The following TBX10 variants were observed in gnomAD, a reference collection of about 807,000 sequenced individuals.
TBX10 encodes T-box transcription factor TBX10.
TBX10 carries 26 observed loss-of-function variants against 32.4 expected under a neutral mutation model. That is an observed-to-expected ratio of 0.80 (90% CI 0.59 to 1.11). The LOEUF (loss-of-function observed/expected upper bound fraction) is 1.11, where lower values mean the gene tolerates loss of function less well. Among genes scored for constraint, TBX10 ranks in the 50% most tolerant of loss-of-function variants. The pLI, the probability that TBX10 is intolerant of heterozygous loss-of-function variation, is 0.00. For missense variants in TBX10, 490 were observed against 494.5 expected (o/e 0.99, Z 0.09); for synonymous variants, 195 against 203.1 (o/e 0.96, Z 0.34).
At chr11:67,639,393 T>TTCCCCCCCCCCCCCCCCCCCCC in intron 1 of TBX10, 73 bp downstream of exon 1, 6 of 726,906 alleles carry the variant, frequency 8.3e-6, no homozygotes, top group Non-Finnish European at 1.2e-5. Context: ...CTGTCTTGGT[T>TTCCCCCCCCCCCCCCCCCCCCC]CCCACCCTGC....
chr11:67,639,552 ACCACTCGT>A lies in TBX10; in HGVS notation c.-88_-81del, dbSNP rs1222651168. On this transcript the variant is annotated 5_prime_UTR_variant, in exon 1 of 8. Transcript: ENST00000335385. ...AACCTGCCTGCTGGAAGGGGTGGTCACCACTCGTCCACTCGGCACCTCAGCTCAGCCCT... is the reference window on the plus strand; with the variant it reads ...AACCTGCCTGCTGGAAGGGGTGGTCACCACTCGGCACCTCAGCTCAGCCCT... 2.5e-6 allele frequency: 4 copies of A among 1,594,146 alleles called. No homozygotes were observed. In the African/African-American group the frequency reaches 5.4e-5, roughly 21 times the overall value.
chr11:67,632,184 C>G, intron 7 of TBX10, 134 bp downstream of exon 7: 2 of 1,090,668 alleles, frequency 1.8e-6, no homozygotes, highest in Non-Finnish European at 2.8e-6. Flanking sequence ...GTCTGCTTCC[C>G]CCTCCGTGTG....
chr11:67,632,432 TG>T lies in TBX10; in HGVS notation c.774-21del, dbSNP rs150090306. The T allele has an allele frequency of 2.5e-6, 4 of 1,607,066 alleles. No homozygotes were observed. The highest frequency in any genetic ancestry group is 1.7e-5 in the Admixed American group (1 of 59,926). ...ACAGGCCTGAAAGAGCAAGCGAGAA[TG>T]GGGGGAGGGGATCAAGGGGAAGAAC... is the stretch of plus-strand genomic sequence containing the variant. On this transcript the variant is annotated intron_variant, in intron 6 of 7. Transcript: ENST00000335385.
chr11:67,640,289 G>T (rs1019455358), upstream of TBX10, among the ~76,000 whole-genome samples: 2 of 152,256 alleles, frequency 1.3e-5, no homozygotes, highest in Non-Finnish European at 2.9e-5. Flanking sequence ...AGGTCCCACA[G>T]TCTCCGTGCC....
chr11:67,638,541 G>A (rs535525235), intron 1 of TBX10, among the ~76,000 whole-genome samples: 2 of 152,326 alleles, frequency 1.3e-5, no homozygotes, highest in Admixed American at 6.5e-5. Flanking sequence ...CAGACAGGCG[G>A]GTGACGGAGG....
In TBX10 at chr11:67,635,111, C is replaced by T; in HGVS notation, c.160G>A (p.Gly54Arg). ...TGAQAVAEPTGQGPKNPRVSR... is the reference protein window; with the variant it reads ...TGAQAVAEPTRQGPKNPRVSR... ...ACACGTGGGTTCTTGGGGCCCTGCC[C>T]AGTGGGCTCGGCCACAGCTTGGGCC... The change falls in exon 2 of 8, where the codon GGG becomes AGG. Residue 54 changes from glycine to arginine, a missense_variant. Gly to Arg is a moderately radical substitution (Grantham distance 125, BLOSUM62 -2). This residue lies in a region of TBX10 where 307 missense variants were observed against 294.9 expected (regional missense o/e 1.04). Transcript: ENST00000335385. The T allele has an allele frequency of 6.2e-7, 1 of 1,613,820 alleles. No homozygotes were observed. The highest frequency in any genetic ancestry group is 2.2e-5 in the East Asian group (1 of 44,884).
intron 1 of TBX10, among the ~76,000 whole-genome samples, chr11:67,636,522 T>TTTATTTA (rs200152296): frequency 1.0e-4 from 7 of 67,436 alleles, no homozygotes; most frequent in Admixed American, 5.6e-4. Flanking sequence ...TATTTATTTA[T>TTTATTTA]TTTTTTCCAG....
intron 4 of TBX10, 151 bp from the exon 5 acceptor site, chr11:67,633,254 C>T: frequency 1.0e-6 from 1 of 998,162 alleles, no homozygotes; most frequent in Non-Finnish European, 1.5e-6. Context: ...GGAGAGGCTG[C>T]AGTTCCGTGT....
rs781077286 is a variant in TBX10 at position 67,632,636 on chromosome 11, G to A, written c.740C>T (p.Ala247Val). 13 of 1,613,962 alleles carry A rather than the reference G, an allele frequency of 8.1e-6. No individual in the cohort carries two copies. Among genetic ancestry groups the A allele is most frequent in the Non-Finnish European group, 1.1e-5 (13 of 1,180,024 alleles). Residue 247 changes from alanine (A) to valine (V), a missense_variant, in exon 6 of 8, where the codon GCC becomes GTC. This residue lies in a region of TBX10 where 177 missense variants were observed against 176.6 expected (regional missense o/e 1.00). Coordinates refer to ENST00000335385, the MANE Select transcript of TBX10 (RefSeq NM_005995.5). ...TQLKIASNPF[A>V]KGFRESDLDS... ...CAGGTCACTCTCTCTAAAGCCTTTG[G>A]CAAAAGGGTTGCTGGCGATTTTCAG...
Position 67,633,081 on chromosome 11 carries a change from C to T in TBX10, c.572G>A (p.Arg191His), listed in dbSNP as rs143869780. The T allele has an allele frequency of 2.6e-5, 42 of 1,613,890 alleles. No homozygotes were observed. Among genetic ancestry groups the T allele is most frequent in the South Asian group, 6.6e-5 (6 of 91,084 alleles). ...GACCACGTGGAAACGGGGCTGGTAG[C>T]GGTGCATAGAGTTGAGAATGATCTG... ...NGHIILNSMH[R>H]YQPRFHVVFV... Residue 191 changes from arginine to histidine, a missense_variant, in exon 5 of 8, where the codon CGC (arginine) becomes CAC (histidine). Arg to His is a conservative substitution (Grantham distance 29, BLOSUM62 0). Around this residue, in one of 3 missense-constraint regions of TBX10, gnomAD observed 307 missense variants for 294.9 expected, o/e 1.04. Transcript: ENST00000335385.
rs781185047 is a variant in TBX10 at position 67,635,080 on chromosome 11, C to G, written c.191G>C (p.Arg64Thr). 1 of 1,613,918 alleles carries G rather than the reference C, an allele frequency of 6.2e-7. No homozygotes were observed. Among genetic ancestry groups the G allele is most frequent in the South Asian group, 1.1e-5 (1 of 91,090 alleles). The stretch of plus-strand genomic sequence containing the variant: ...CTTCATCTCCAGCTGAACTGTCACT[C>G]TGGACACACGTGGGTTCTTGGGGCC... ...GQGPKNPRVSRVTVQLEMKPL... is the reference protein window; with the variant it reads ...GQGPKNPRVSTVTVQLEMKPL... Residue 64 changes from arginine to threonine, a missense_variant, in exon 2 of 8, where the codon AGA (arginine) becomes ACA (threonine). Physicochemically the swap from Arg to Thr is moderately conservative, Grantham distance 71. This residue lies in a region of TBX10 where 307 missense variants were observed against 294.9 expected (regional missense o/e 1.04). Coordinates refer to ENST00000335385, the MANE Select transcript of TBX10 (RefSeq NM_005995.5).
chr11:67,634,767 G>A, intron 3 of TBX10, 49 bp downstream of exon 3: 1 of 1,581,240 alleles, frequency 6.3e-7, no homozygotes, highest in Non-Finnish European at 8.7e-7. Flanking sequence ...TCTAATTCCT[G>A]GTCTCAGCAC....
At chr11:67,635,313 C>G in intron 1 of TBX10, 50 bp from the exon 2 acceptor site, 5 of 1,610,710 alleles carry the variant, frequency 3.1e-6, no homozygotes, top group Non-Finnish European at 4.2e-6. Flanking sequence ...CCAGCCAGCT[C>G]TTATCCTTCA....
At chr11:67,641,224 C>T (rs903258780), upstream of TBX10, among the ~76,000 whole-genome samples, 40 of 151,962 alleles carry the variant, frequency 2.6e-4, no homozygotes, top group African/African-American at 8.9e-4. Context: ...ATTGTAGTGG[C>T]CCCTGATACG....
upstream of TBX10, among the ~76,000 whole-genome samples, chr11:67,640,016 A>G (rs1470296519): frequency 6.6e-6 from 1 of 152,174 alleles, no homozygotes; most frequent in African/African-American, 2.4e-5. Flanking sequence ...TGGGAGGCAC[A>G]GTGGGAGCAG....
intron 7 of TBX10, 56 bp downstream of exon 7, chr11:67,632,262 C>T: frequency 1.2e-6 from 2 of 1,601,010 alleles, no homozygotes; most frequent in Admixed American, 3.3e-5. Context: ...GTCCCTTTGC[C>T]TTCCGCCCAC....
intron 1 of TBX10, among the ~76,000 whole-genome samples, chr11:67,636,838 A>G (rs966739147): frequency 6.6e-6 from 1 of 152,200 alleles, no homozygotes; most frequent in Admixed American, 6.5e-5. Flanking sequence ...TTCTGGGTCT[A>G]TACCAGAAAG....
chr11:67,641,502 C>T (rs1220737286), upstream of TBX10, among the ~76,000 whole-genome samples: 3 of 152,226 alleles, frequency 2.0e-5, no homozygotes, highest in Non-Finnish European at 4.4e-5. Flanking sequence ...TGGCCCCCTG[C>T]CCCCTCATCC....
intron 7 of TBX10, 122 bp from the exon 8 acceptor site, chr11:67,632,016 G>C: frequency 7.2e-7 from 1 of 1,380,660 alleles, no homozygotes; most frequent in East Asian, 2.5e-5. Flanking sequence ...CTTCGCCTTT[G>C]CTTTTCCCTC....
Sources: allele counts gnomAD v4.1 joint callset (sites outside exome capture counted in the v4.1 genomes callset), GRCh38; gene constraint gnomAD v4.1.1; regional missense constraint gnomAD v4.1.1; transcripts MANE v1.5; gene names NCBI Gene and HGNC (gene_info 2026-07-23, HGNC 2026-07-21).